FAF1: variants seen among roughly 807,000 people sequenced by gnomAD.
FAF1 encodes the protein FAS-associated factor 1.
A neutral mutation model predicts 92.5 loss-of-function variants in FAF1; 25 were observed. The observed-to-expected ratio is 0.27, with a 90% CI of 0.20 to 0.38. The LOEUF (loss-of-function observed/expected upper bound fraction) is 0.38. Among genes scored for constraint, FAF1 ranks in the 10% least tolerant of loss-of-function variants. The pLI is 1.00. For synonymous variants in FAF1, 234 were observed against 273.2 expected (o/e 0.86, Z 1.42); for missense variants, 636 against 793.3 (o/e 0.80, Z 2.38).
chr1:50,588,073 G>A (rs1369848021), intron 9 of FAF1, among the ~76,000 whole-genome samples: 1 of 152,092 alleles, frequency 6.6e-6, no homozygotes, highest in Middle Eastern at 3.2e-3. Flanking sequence ...GATCACTTAA[G>A]GTCAGGAGTT....
intron 7 of FAF1, among the ~76,000 whole-genome samples, chr1:50,664,797 TAAACAAACAAAC>T (rs60944603): frequency 7.9e-5 from 12 of 151,060 alleles, no homozygotes; most frequent in Admixed American, 1.3e-4. Flanking sequence ...CCGTCTCAAA[TAAACAAACAAAC>T]AAACAAACAA....
chr1:50,705,815 T>A lies in FAF1; in HGVS notation c.628A>T (p.Asn210Tyr). The change falls in exon 7 of 19, where the codon AAC becomes TAC. Residue 210 changes from asparagine to tyrosine, a missense_variant. Asn to Tyr is a moderately radical substitution (Grantham distance 143). Around this residue, in one of 2 missense-constraint regions of FAF1, gnomAD observed 317 missense variants for 342.4 expected, o/e 0.93. Coordinates refer to ENST00000396153, the MANE Select transcript of FAF1 (RefSeq NM_007051.3). ...TGAATAGTACTGCTTCCTGAGAAGTTCAGGTTGTACTCCCGCTGGACTTCT... is the reference window on the plus strand; with the variant it reads ...TGAATAGTACTGCTTCCTGAGAAGTACAGGTTGTACTCCCGCTGGACTTCT... ...HREVQREYNL[N>Y]FSGSSTIQEV... 6.2e-7 allele frequency: 1 copy of A among 1,610,474 alleles called. No individual in the cohort carries two copies. The highest frequency in any genetic ancestry group is 8.5e-7 in the Non-Finnish European group (1 of 1,176,932).
chr1:50,753,944 G>A (rs1659974360), intron 4 of FAF1, among the ~76,000 whole-genome samples: 1 of 151,864 alleles, frequency 6.6e-6, no homozygotes, highest in African/African-American at 2.4e-5. Flanking sequence ...TTTTGGCAGA[G>A]ACGGGGTTTC....
chr1:50,705,844 T>C lies in FAF1; in HGVS notation c.599A>G (p.His200Arg). ...LNQNFMLIIT[H>R]REVQREYNLN... ...GTTGTACTCCCGCTGGACTTCTCGG[T>C]GGGTGATGATCAGCATGAAGTTTTG... The change falls in exon 7 of 19, where the codon CAC becomes CGC. Residue 200 changes from histidine (H) to arginine (R), a missense_variant. His to Arg is a conservative substitution (Grantham distance 29). This residue lies in a region of FAF1 where 317 missense variants were observed against 342.4 expected (regional missense o/e 0.93). Coordinates refer to ENST00000396153, the MANE Select transcript of FAF1 (RefSeq NM_007051.3). 6.2e-7 allele frequency: 1 copy of C among 1,613,336 alleles called. No homozygotes were observed. The highest frequency in any genetic ancestry group is 8.5e-7 in the Non-Finnish European group (1 of 1,179,522).
intron 4 of FAF1, among the ~76,000 whole-genome samples, chr1:50,755,281 C>G (rs1200306324): frequency 2.6e-5 from 4 of 152,156 alleles, no homozygotes; most frequent in African/African-American, 9.7e-5. Context: ...AAGAAACTGG[C>G]CAAAATGAAG....
chr1:50,638,841 C>T (rs1327331695), intron 8 of FAF1, among the ~76,000 whole-genome samples: 2 of 152,158 alleles, frequency 1.3e-5, no homozygotes, highest in Admixed American at 1.3e-4. Flanking sequence ...TGAAAAAAAA[C>T]TTATTTTTAT....
intron 6 of FAF1, among the ~76,000 whole-genome samples, chr1:50,729,779 T>C (rs1377149609): frequency 6.6e-6 from 1 of 151,728 alleles, no homozygotes; most frequent in African/African-American, 2.4e-5. Context: ...TCCCAGCACT[T>C]TGGGAGGCTG....
In FAF1 at chr1:50,441,365, G is replaced by T; in HGVS notation, c.*75C>A. 1.2e-6 allele frequency: 1 copy of T among 849,920 alleles called. No homozygotes were observed. Among genetic ancestry groups the T allele is most frequent in the Non-Finnish European group, 1.8e-6 (1 of 556,826 alleles). 52.6% of individuals were successfully genotyped at this position (849,920 alleles called of 1,614,324 possible). A position where few individuals can be genotyped will look rare whatever the true frequency, so the allele number is the denominator to read the frequency against. The stretch of plus-strand genomic sequence containing the variant: ...TTGAGTGAGACGAGCGTGTGGGTGG[G>T]TTGGCGAGGAGCCCTTCTCCTGACG... On this transcript the variant is annotated 3_prime_UTR_variant, in exon 19 of 19. Coordinates refer to ENST00000396153, the MANE Select transcript of FAF1 (RefSeq NM_007051.3).
At chr1:50,875,083 T>G (rs1644559574) in intron 1 of FAF1, among the ~76,000 whole-genome samples, 1 of 152,098 alleles carries the variant, frequency 6.6e-6, no homozygotes, top group East Asian at 1.9e-4. Context: ...TATATATGAA[T>G]TCATATTAAA....
intron 7 of FAF1, among the ~76,000 whole-genome samples, chr1:50,662,195 C>T (rs1161203902): frequency 6.6e-6 from 1 of 152,158 alleles, no homozygotes; most frequent in East Asian, 1.9e-4. Flanking sequence ...TTCTTTTTCT[C>T]AAATACTATC....
chr1:50,573,772 T>C (rs1650570116), intron 12 of FAF1, among the ~76,000 whole-genome samples: 1 of 150,948 alleles, frequency 6.6e-6, no homozygotes, highest in Non-Finnish European at 1.5e-5. Flanking sequence ...GATATCTGAA[T>C]CTTGCATAGG....
At chr1:50,586,389 A>C (rs1406946111) in intron 9 of FAF1, among the ~76,000 whole-genome samples, 1 of 152,114 alleles carries the variant, frequency 6.6e-6, no homozygotes, top group Admixed American at 6.5e-5. Context: ...AGTGATTCTA[A>C]GAGTTCCAAA....
chr1:50,643,150 CT>C (rs1654427212), intron 8 of FAF1, among the ~76,000 whole-genome samples: 1 of 152,102 alleles, frequency 6.6e-6, no homozygotes, highest in African/African-American at 2.4e-5. Flanking sequence ...TTTATTTGTA[CT>C]TTTTTCAGCA....
intron 15 of FAF1, among the ~76,000 whole-genome samples, chr1:50,507,155 T>C (rs115461055): frequency 2.6e-5 from 4 of 152,176 alleles, no homozygotes. Flanking sequence ...TTAGTAGGTA[T>C]TCAACAGATG....
chr1:50,644,397 T>C (rs1044156097), intron 8 of FAF1, among the ~76,000 whole-genome samples: 7 of 152,238 alleles, frequency 4.6e-5, no homozygotes, highest in African/African-American at 1.7e-4. Context: ...AGTTAACTAC[T>C]CTTTTTCCTA....
chr1:50,865,333 AC>A (rs1644471165), intron 1 of FAF1, among the ~76,000 whole-genome samples: 1 of 151,450 alleles, frequency 6.6e-6, no homozygotes, highest in Non-Finnish European at 1.5e-5. Context: ...CCATCCCATT[AC>A]TGGGTATATA....
At chr1:50,842,280 G>A (rs1357101867) in intron 2 of FAF1, among the ~76,000 whole-genome samples, 1 of 152,016 alleles carries the variant, frequency 6.6e-6, no homozygotes, top group East Asian at 1.9e-4. Flanking sequence ...TGGTGTAAGG[G>A]AGGTAGGTAG....
At chr1:50,465,236 A>G (rs1176759298) in intron 18 of FAF1, among the ~76,000 whole-genome samples, 1 of 152,206 alleles carries the variant, frequency 6.6e-6, no homozygotes, top group African/African-American at 2.4e-5. Context: ...CTGGTATAAA[A>G]GGTTTTGGAC....
At chr1:50,689,069 T>C (rs1416778804) in intron 7 of FAF1, among the ~76,000 whole-genome samples, 1 of 152,118 alleles carries the variant, frequency 6.6e-6, no homozygotes, top group Non-Finnish European at 1.5e-5. Flanking sequence ...AGTTTTAGTT[T>C]GTAAAGACAA....
Sources: allele counts gnomAD v4.1 joint callset (sites outside exome capture counted in the v4.1 genomes callset), GRCh38; gene constraint gnomAD v4.1.1; regional missense constraint gnomAD v4.1.1; transcripts MANE v1.5; gene names NCBI Gene and HGNC (gene_info 2026-07-23, HGNC 2026-07-21).